The following UGT1A7 variants were observed in gnomAD, a reference collection of about 807,000 sequenced individuals.
UGT1A7 encodes UDP glucuronosyltransferase family 1 member A7, also known as UDP-glucuronosyltransferase 1A7.
A neutral mutation model predicts 45.6 loss-of-function variants in UGT1A7; 33 were observed. The ratio of observed to expected loss-of-function variants is 0.72; its 90% CI spans 0.55 to 0.97. The LOEUF is 0.97. Among genes scored for constraint, UGT1A7 ranks in the 50% least tolerant of loss-of-function variants. The pLI is 0.00. For missense variants in UGT1A7, 684 were observed against 666.2 expected (o/e 1.03, Z -0.29); for synonymous variants, 274 against 250.6 (o/e 1.09, Z -0.88).
intron 1 of UGT1A7, chr2:233,721,965 A>G (rs58524075): frequency 0.012 from 3,584 of 301,472 alleles, 120 homozygotes; most frequent in African/African-American, 0.073. Flanking sequence ...ATATGCATAC[A>G]TTGATGGCCT....
chr2:233,718,041 G>C, intron 1 of UGT1A7: 1 of 376,232 alleles, frequency 2.7e-6, no homozygotes, highest in South Asian at 2.0e-5. Flanking sequence ...TGGTGAGCAG[G>C]AGCTCCCTGA....
chr2:233,747,561 T>A (rs1440337169), intron 1 of UGT1A7: 2 of 1,596,952 alleles, frequency 1.3e-6, no homozygotes, highest in Non-Finnish European at 1.7e-6. Context: ...TATGGCAATT[T>A]TGAAAAATTC....
At position 233,747,373 on chromosome 2, in the gene UGT1A7, G is replaced by A. The variant is rs565595947; in HGVS notation, c.856-19661G>A. 4.2e-4 allele frequency: 670 copies of A among 1,604,600 alleles called. 2 individuals are homozygous for A. The highest frequency in any genetic ancestry group is 5.4e-4 in the Non-Finnish European group (630 of 1,172,902). ...GAGGCCGTGCGGGAGCTCCATGCCAGAGGCCACCAGGCGGTGGTCCTCACC... is the reference window on the plus strand; with the variant it reads ...GAGGCCGTGCGGGAGCTCCATGCCAAAGGCCACCAGGCGGTGGTCCTCACC... On this transcript the variant is annotated intron_variant, in intron 1 of 4. Coordinates refer to ENST00000373426, the MANE Select transcript of UGT1A7 (RefSeq NM_019077.3).
At chr2:233,716,780 C>T (rs1189909178) in intron 1 of UGT1A7, among the ~76,000 whole-genome samples, 2 of 152,264 alleles carry the variant, frequency 1.3e-5, no homozygotes, top group Non-Finnish European at 2.9e-5. Context: ...GTCAGGCTTT[C>T]GGGATGCCTT....
chr2:233,747,343 T>A (rs1575682738), intron 1 of UGT1A7: 1 of 1,603,348 alleles, frequency 6.2e-7, no homozygotes, highest in East Asian at 2.2e-5. Flanking sequence ...CTGGCTCGCA[T>A]GCGGGAGGCC....
intron 1 of UGT1A7, chr2:233,721,828 C>G (rs866134319): frequency 3.9e-6 from 2 of 516,354 alleles, no homozygotes; most frequent in Middle Eastern, 7.8e-4. Flanking sequence ...CTATTTGGGC[C>G]ACCGACCTTG....
intron 1 of UGT1A7, chr2:233,743,004 A>G (rs1469348172): frequency 4.2e-6 from 1 of 237,384 alleles, no homozygotes; most frequent in Admixed American, 5.1e-5. Context: ...GCATACAGAT[A>G]TTTTACAACG....
At chr2:233,753,211 T>A (rs964244574) in intron 1 of UGT1A7, 3 of 152,210 alleles carry the variant, frequency 2.0e-5, no homozygotes, top group African/African-American at 4.8e-5. Flanking sequence ...CAGTCTGTCT[T>A]ATTTTGATAC....
intron 1 of UGT1A7, among the ~76,000 whole-genome samples, chr2:233,712,043 A>G (rs1015594398): frequency 2.6e-5 from 4 of 152,248 alleles, no homozygotes; most frequent in Non-Finnish European, 5.9e-5. Flanking sequence ...TTGACTTGGA[A>G]AAAAGCCTGA....
chr2:233,733,516 A>G (rs1473701197), intron 1 of UGT1A7, among the ~76,000 whole-genome samples: 1 of 152,232 alleles, frequency 6.6e-6, no homozygotes, highest in East Asian at 1.9e-4. Context: ...TTTAGGCATG[A>G]AGGGATGTTT....
At position 233,767,018 on chromosome 2, in the gene UGT1A7, T is replaced by G. The variant is rs1699309557; in HGVS notation, c.856-16T>G. ...TATGAGAAAAAATTAACTGAAAATT[T>G]TTCTTCTGGCTCTAGGAATTTGAAG... On this transcript the variant is annotated splice_polypyrimidine_tract_variant and intron_variant, in intron 1 of 4. Coordinates refer to ENST00000373426, the MANE Select transcript of UGT1A7 (RefSeq NM_019077.3). 1 of 1,613,912 alleles carries G rather than the reference T, an allele frequency of 6.2e-7. No individual in the cohort carries two copies. Among genetic ancestry groups the G allele is most frequent in the East Asian group, 2.2e-5 (1 of 44,862 alleles).
intron 1 of UGT1A7, among the ~76,000 whole-genome samples, chr2:233,745,929 G>A (rs954070768): frequency 4.0e-5 from 6 of 151,604 alleles, no homozygotes; most frequent in African/African-American, 1.2e-4. Context: ...GATTCAGAAG[G>A]GACAGCTGGG....
intron 1 of UGT1A7, among the ~76,000 whole-genome samples, chr2:233,724,370 GC>G (rs1390000328): frequency 6.8e-6 from 1 of 148,040 alleles, no homozygotes; most frequent in Non-Finnish European, 1.5e-5. Flanking sequence ...GGACGGGGTG[GC>G]TGCCGGGCGG....
intron 1 of UGT1A7, chr2:233,760,950 T>C: frequency 1.2e-6 from 2 of 1,614,226 alleles, no homozygotes; most frequent in East Asian, 2.2e-5. Context: ...CACAGAACTT[T>C]CTGTGCGACG....
At chr2:233,760,549 G>A (rs2125985791) in intron 1 of UGT1A7, 1 of 1,614,268 alleles carries the variant, frequency 6.2e-7, no homozygotes, top group Non-Finnish European at 8.5e-7. Context: ...AAGGGAGGAT[G>A]TGAAAGAGTC....
chr2:233,768,263 T>C lies in UGT1A7; in HGVS notation c.1119T>C (p.His373=), dbSNP rs1699595501. The C allele has an allele frequency of 2.5e-6, 4 of 1,614,154 alleles. No individual in the cohort carries two copies. Among genetic ancestry groups the C allele is most frequent in the Non-Finnish European group, 3.4e-6 (4 of 1,180,014 alleles). ...CCTTTATCACCCATGCTGGTTCCCA[T>C]GGTGTTTATGAAAGCATATGCAATG... The part of the protein sequence containing the change: ...TRAFITHAGS[H]GVYESICNGV... Residue 373 remains histidine (H), a synonymous_variant, in exon 4 of 5, where the codon CAT becomes CAC. Coordinates refer to ENST00000373426, the MANE Select transcript of UGT1A7 (RefSeq NM_019077.3).
chr2:233,760,217 A>G, intron 1 of UGT1A7: 3 of 1,593,674 alleles, frequency 1.9e-6, no homozygotes, highest in Non-Finnish European at 2.6e-6. Context: ...AACTTGGTGT[A>G]TCGATTGGTT....
In UGT1A7 at chr2:233,769,480, C is replaced by T. The variant is rs1027796566; in HGVS notation, c.1295+1041C>T. 1.4e-5 allele frequency: 23 copies of T among 1,596,558 alleles called. No homozygotes were observed. Among genetic ancestry groups the T allele is most frequent in the African/African-American group, 1.3e-4 (10 of 74,384 alleles). ...ATTCATATGCGTGTGTGTGTGTGTGCGTGTGTTTATGAGAGTGTCCATTGC... is the reference window on the plus strand; with the variant it reads ...ATTCATATGCGTGTGTGTGTGTGTGTGTGTGTTTATGAGAGTGTCCATTGC... On this transcript the variant is annotated intron_variant, in intron 4 of 4. Coordinates refer to ENST00000373426, the MANE Select transcript of UGT1A7 (RefSeq NM_019077.3). The surrounding 1 kb of genome is among the most constrained non-coding windows in gnomAD (Gnocchi z 4.4).
intron 1 of UGT1A7, chr2:233,718,705 T>C: frequency 1.9e-6 from 3 of 1,603,136 alleles, no homozygotes; most frequent in Non-Finnish European, 2.6e-6. Flanking sequence ...CACTTTGTCT[T>C]CCAATTACAT....
Sources: gnomAD v4.1 joint callset for allele counts (sites outside exome capture counted in the v4.1 genomes callset) on GRCh38, gnomAD v4.1.1 for gene constraint, Gnocchi (gnomAD v3.1) non-coding constraint, MANE v1.5 for transcripts, NCBI Gene and HGNC (gene_info 2026-07-23, HGNC 2026-07-21) for gene names.